CRLF2: variants seen among roughly 807,000 people sequenced by gnomAD.
CRLF2 encodes the protein cytokine receptor like factor 2, also known as cytokine receptor-like factor 2.
CRLF2 carries 41 observed loss-of-function variants against 38.7 expected under a neutral mutation model. The ratio of observed to expected loss-of-function variants is 1.06; its 90% CI spans 0.83 to 1.37. The LOEUF is 1.37. Ranked by LOEUF, CRLF2 falls within the 40% of genes most tolerant of loss-of-function variation. The pLI, the probability that CRLF2 is intolerant of heterozygous loss-of-function variation, is 0.00. For missense variants in CRLF2, 377 were observed against 322.2 expected (o/e 1.17, Z -1.30); for synonymous variants, 140 against 128.8 (o/e 1.09, Z -0.59).
chrX:1,210,965 A>C (rs1454871562), intron 1 of CRLF2, among the ~76,000 whole-genome samples: 1 of 151,076 alleles, frequency 6.6e-6, no homozygotes, highest in Non-Finnish European at 1.5e-5. Context: ...AGATGGATAC[A>C]TAGATGTGTA....
At chrX:1,205,631 C>T (rs1292036552) in intron 3 of CRLF2, among the ~76,000 whole-genome samples, 1 of 151,710 alleles carries the variant, frequency 6.6e-6, no homozygotes, top group East Asian at 1.9e-4. Flanking sequence ...TTTGCATGAG[C>T]TTTTTTATTT....
Position 1,191,517 on chromosome X carries a change from C to G in CRLF2, c.853-357G>C, listed in dbSNP as rs1365086531. Among the ~76,000 whole-genome samples the G allele has an allele frequency of 1.1e-3, 166 of 150,462 alleles. 1 individual carries two copies. The highest frequency in any genetic ancestry group is 0.01 in the Middle Eastern group (3 of 294). On this transcript the variant is annotated intron_variant, in intron 7 of 7. Coordinates refer to ENST00000400841, the MANE Select transcript of CRLF2 (RefSeq NM_022148.4). ...ATCCAGGAGCTCTGACACCAATACCCTTGTAAACCAAAAATAAATTTTTTT... is the reference window on the plus strand; with the variant it reads ...ATCCAGGAGCTCTGACACCAATACCGTTGTAAACCAAAAATAAATTTTTTT...
intron 7 of CRLF2, among the ~76,000 whole-genome samples, chrX:1,191,438 G>A (rs1230452358): frequency 2.0e-5 from 3 of 150,368 alleles, no homozygotes; most frequent in Admixed American, 6.7e-5. Context: ...CAATGGAACA[G>A]GAAAGCCCTC....
chrX:1,209,128 T>C (rs1188252652), intron 1 of CRLF2, among the ~76,000 whole-genome samples: 17 of 151,050 alleles, frequency 1.1e-4, no homozygotes, highest in South Asian at 4.2e-4. Flanking sequence ...TCACCACACC[T>C]GGCTAATTTT....
In CRLF2 at chrX:1,196,792, C is replaced by A. The variant is rs2086484562; in HGVS notation, c.755G>T (p.Trp252Leu). 6.2e-7 allele frequency: 1 copy of A among 1,613,118 alleles called. No homozygotes were observed. Among genetic ancestry groups the A allele is most frequent in the Non-Finnish European group, 8.5e-7 (1 of 1,179,522 alleles). The change falls in exon 6 of 8, where the codon TGG (tryptophan) becomes TTG (leucine). Residue 252 changes from tryptophan to leucine, a missense_variant. Physicochemically the swap from Trp to Leu is moderately conservative, Grantham distance 61. Coordinates refer to ENST00000400841, the MANE Select transcript of CRLF2 (RefSeq NM_022148.4). ...LMVSLLLLSL[W>L]KLWRVKKFLI... ...GAGTCATCCTTACCTCCATAATTTC[C>A]ATAAAGACAGAAGGAGGAGAGACAC...
At chrX:1,205,926 G>A (rs1196414793) in intron 3 of CRLF2, among the ~76,000 whole-genome samples, 2 of 151,892 alleles carry the variant, frequency 1.3e-5, no homozygotes, top group African/African-American at 4.8e-5. Flanking sequence ...CATGGATCCG[G>A]TAATTTGCAT....
chrX:1,197,928 G>A (rs1182860418), intron 5 of CRLF2, among the ~76,000 whole-genome samples: 1 of 152,226 alleles, frequency 6.6e-6, no homozygotes, highest in South Asian at 2.1e-4. Flanking sequence ...ATTGAACGTG[G>A]GAGACAGATG....
intron 3 of CRLF2, among the ~76,000 whole-genome samples, chrX:1,206,087 A>G (rs1280326907): frequency 6.6e-6 from 1 of 152,024 alleles, no homozygotes; most frequent in East Asian, 1.9e-4. Flanking sequence ...AGTAGTGAAA[A>G]GCGTGCTGAG....
Position 1,212,586 on chromosome X carries a change from C to T in CRLF2, c.49G>A (p.Gly17Ser). 6.2e-7 allele frequency: 1 copy of T among 1,612,888 alleles called. No homozygotes were observed. The highest frequency in any genetic ancestry group is 8.5e-7 in the Non-Finnish European group (1 of 1,179,402). The change falls in exon 1 of 8, where the codon GGC becomes AGC. Residue 17 changes from glycine to serine, a missense_variant. Coordinates refer to ENST00000400841, the MANE Select transcript of CRLF2 (RefSeq NM_022148.4). ...LWGAAVFLLGGWMALGQGGAA... is the reference protein window; with the variant it reads ...LWGAAVFLLGSWMALGQGGAA... ...CCTCCTTGCCCCAAAGCCATCCAGCCTCCCAGCAGAAAGACGGCAGCTCCC... is the reference window on the plus strand; with the variant it reads ...CCTCCTTGCCCCAAAGCCATCCAGCTTCCCAGCAGAAAGACGGCAGCTCCC...
chrX:1,190,622 A>G lies in CRLF2; in HGVS notation c.*275T>C, dbSNP rs1204173271. The G allele has an allele frequency of 2.3e-5, 9 of 386,222 alleles. No individual in the cohort carries two copies. Among genetic ancestry groups the G allele is most frequent in the Non-Finnish European group, 3.7e-5 (8 of 218,684 alleles). The allele number at this position is 386,222 out of a possible 1,614,324, so 23.9% of individuals were successfully genotyped here. A position where few individuals can be genotyped will look rare whatever the true frequency, so the allele number is the denominator to read the frequency against. On this transcript the variant is annotated 3_prime_UTR_variant, in exon 8 of 8. Transcript: ENST00000400841. ...CGTGCTGCCTTGGGGTTTATGTGACAACGTTCAGGCACGAAAAGGAACTGG... is the reference window on the plus strand; with the variant it reads ...CGTGCTGCCTTGGGGTTTATGTGACGACGTTCAGGCACGAAAAGGAACTGG...
chrX:1,207,503 C>A (rs1355619572), intron 2 of CRLF2, among the ~76,000 whole-genome samples: 1 of 8,036 alleles, frequency 1.2e-4, no homozygotes, highest in Non-Finnish European at 2.3e-4. Flanking sequence ...GGTGATCCAC[C>A]CCCCCCCCCC....
intron 4 of CRLF2, 116 bp from the exon 5 acceptor site, chrX:1,198,840 T>G (rs1355169620): frequency 9.6e-7 from 1 of 1,037,798 alleles, no homozygotes; most frequent in Admixed American, 2.1e-5. Flanking sequence ...GTTCACAGTC[T>G]CGCTGACTTC....
Position 1,202,519 on chromosome X carries a change from CG to C in CRLF2, c.365del (p.Pro122ArgfsTer4), listed in dbSNP as rs748273964. On this transcript the variant is annotated frameshift_variant, in exon 4 of 8. Coordinates refer to ENST00000400841, the MANE Select transcript of CRLF2 (RefSeq NM_022148.4). LOFTEE classifies it high-confidence loss of function. ...GATGCCACGAAAATCTCACGTGCTT[CG>C]GGGAACTGGGTTTCACTGAGAAGAA... The part of the protein sequence containing the change: ...WMVYYLKPSS[P>X]KHVRFSWHQD... 1 of 1,613,692 alleles carries C rather than the reference CG, an allele frequency of 6.2e-7. No individual in the cohort carries two copies. Among genetic ancestry groups the C allele is most frequent in the South Asian group, 1.1e-5 (1 of 91,070 alleles).
At chrX:1,204,096 A>AAAAAAAAAAAAAAAAAAAAAAAAAG (rs370190016) in intron 3 of CRLF2, among the ~76,000 whole-genome samples, 1 of 133,442 alleles carries the variant, frequency 7.5e-6, no homozygotes, top group African/African-American at 2.8e-5. Context: ...TCTCAAAAAA[A>AAAAAAAAAAAAAAAAAAAAAAAAAG]AGAGAGAACA....
chrX:1,198,073 G>A (rs768280094), intron 5 of CRLF2, among the ~76,000 whole-genome samples: 2 of 152,136 alleles, frequency 1.3e-5, no homozygotes, highest in Admixed American at 6.6e-5. Flanking sequence ...ATTACTTTCA[G>A]ATGGGGCCCT....
chrX:1,202,637 A>C, intron 3 of CRLF2, 102 bp from the exon 4 acceptor site: 4 of 1,278,514 alleles, frequency 3.1e-6, no homozygotes, highest in Non-Finnish European at 4.3e-6. Context: ...CCTCCCCTTA[A>C]TACCTTATGG....
At chrX:1,198,780 CACAA>C in intron 4 of CRLF2, 56 bp from the exon 5 acceptor site, 2 of 1,321,210 alleles carry the variant, frequency 1.5e-6, no homozygotes, top group African/African-American at 1.5e-5. Context: ...CACACACACA[CACAA>C]TGATTAGTGA....
intron 2 of CRLF2, among the ~76,000 whole-genome samples, chrX:1,208,446 C>G (rs2086729913): frequency 2.0e-5 from 3 of 152,082 alleles, no homozygotes; most frequent in African/African-American, 7.2e-5. Context: ...GTAATCCCAG[C>G]TACTCGGGAG....
intron 3 of CRLF2, among the ~76,000 whole-genome samples, chrX:1,204,083 C>G (rs1214415755): frequency 9.2e-5 from 2 of 21,782 alleles, no homozygotes; most frequent in Admixed American, 6.0e-4. Flanking sequence ...GCAAGACCCT[C>G]TCTCTCAAAA....
Sources: gnomAD v4.1 joint callset for allele counts (sites outside exome capture counted in the v4.1 genomes callset) on GRCh38, gnomAD v4.1.1 for gene constraint, MANE v1.5 for transcripts, NCBI Gene and HGNC (gene_info 2026-07-23, HGNC 2026-07-21) for gene names.